ADH7: variants seen among roughly 807,000 people sequenced by gnomAD.
ADH7 encodes alcohol dehydrogenase 7 (class IV), mu or sigma polypeptide, also known as all-trans-retinol dehydrogenase [NAD(+)] ADH7.
In ADH7, 41 loss-of-function variants were observed where a neutral mutation model predicts 34.4. That is an observed-to-expected ratio of 1.19 (90% CI 0.93 to 1.55). The LOEUF (loss-of-function observed/expected upper bound fraction) is 1.55, where lower values mean the gene tolerates loss of function less well. Ranked by LOEUF, ADH7 falls within the 40% of genes most tolerant of loss-of-function variation. ADH7 has a pLI of 0.00. For missense variants in ADH7, 540 were observed against 461.2 expected, an observed-to-expected ratio of 1.17 and a Z score of -1.56; for synonymous variants, 180 against 160.9, an observed-to-expected ratio of 1.12 and a Z score of -0.90.
At chr4:99,434,929 C>T in intron 1 of ADH7, 1 of 1,097,906 alleles carries the variant, frequency 9.1e-7, no homozygotes, top group African/African-American at 1.6e-5. Context: ...AATTGCCCAG[C>T]TATCCGGAAA....
intron 8 of ADH7, among the ~76,000 whole-genome samples, chr4:99,413,476 T>C (rs959928136): frequency 4.6e-5 from 7 of 152,166 alleles, no homozygotes; most frequent in Non-Finnish European, 8.8e-5. Context: ...TAATCCAATA[T>C]GTTTAGATTT....
intron 5 of ADH7, among the ~76,000 whole-genome samples, chr4:99,422,992 G>C (rs1721703240): frequency 7.3e-6 from 1 of 137,546 alleles, no homozygotes; most frequent in African/African-American, 2.7e-5. Flanking sequence ...TTGTCATTTA[G>C]CATTAGGTAT....
chr4:99,428,308 T>C, intron 3 of ADH7, 134 bp from the exon 4 acceptor site: 4 of 1,220,886 alleles, frequency 3.3e-6, no homozygotes, highest in Non-Finnish European at 4.6e-6. Flanking sequence ...ACCGTAAGGT[T>C]TGCCTTCTAA....
intron 6 of ADH7, among the ~76,000 whole-genome samples, chr4:99,419,944 G>C (rs2110134496): frequency 6.6e-6 from 1 of 152,242 alleles, no homozygotes. Flanking sequence ...TGCCAGGTTG[G>C]AGCTTTCTAG....
chr4:99,424,929 A>G (rs1721764208), intron 5 of ADH7, among the ~76,000 whole-genome samples: 1 of 152,020 alleles, frequency 6.6e-6, no homozygotes, highest in African/African-American at 2.4e-5. Flanking sequence ...AGGAGTGGTG[A>G]GAGAGGGTAT....
At chr4:99,417,272 CA>C (rs1371878332) in intron 7 of ADH7, among the ~76,000 whole-genome samples, 3 of 152,092 alleles carry the variant, frequency 2.0e-5, no homozygotes, top group African/African-American at 7.2e-5. Context: ...CCAAAGGCCC[CA>C]TATAATTTAA....
intron 5 of ADH7, among the ~76,000 whole-genome samples, chr4:99,426,029 A>G (rs1721796553): frequency 1.3e-5 from 2 of 152,232 alleles, no homozygotes; most frequent in Non-Finnish European, 2.9e-5. Context: ...AATACACAGC[A>G]TTCGAGAATC....
intron 8 of ADH7, 66 bp from the exon 9 acceptor site, chr4:99,413,238 C>A: frequency 6.5e-7 from 1 of 1,541,636 alleles, no homozygotes; most frequent in South Asian, 1.1e-5. Context: ...ATAGTTTAAA[C>A]AATTGTCCTT....
chr4:99,418,033 G>C (rs989814803), intron 7 of ADH7, among the ~76,000 whole-genome samples: 1 of 151,914 alleles, frequency 6.6e-6, no homozygotes, highest in Non-Finnish European at 1.5e-5. Flanking sequence ...AGAGCTATAG[G>C]GGCAAAAAAC....
chr4:99,422,048 G>T (rs1413577341), intron 5 of ADH7, among the ~76,000 whole-genome samples: 1 of 152,196 alleles, frequency 6.6e-6, no homozygotes, highest in African/African-American at 2.4e-5. Flanking sequence ...TTTTTACACT[G>T]TTGGTGAGAA....
At chr4:99,428,782 A>C in intron 2 of ADH7, 152 bp from the exon 3 acceptor site, 1 of 1,007,002 alleles carries the variant, frequency 9.9e-7, no homozygotes, top group East Asian at 2.6e-5. Context: ...TGAGCCAAAA[A>C]TCAACCATCA....
Position 99,413,132 on chromosome 4 carries a change from C to T in ADH7, c.*16G>A. 6.2e-7 allele frequency: 1 copy of T among 1,613,622 alleles called. No individual in the cohort carries two copies. The highest frequency in any genetic ancestry group is 1.1e-5 in the South Asian group (1 of 91,044). The stretch of plus-strand genomic sequence containing the variant: ...CAGTTCACCATGACAACACAGACCT[C>T]CTGCCACTTTGGATCTCAAAACGTC... On this transcript the variant is annotated 3_prime_UTR_variant, in exon 9 of 9. Transcript: ENST00000437033.
intron 7 of ADH7, among the ~76,000 whole-genome samples, chr4:99,416,327 G>A (rs781669412): frequency 4.6e-5 from 7 of 151,946 alleles, no homozygotes; most frequent in Non-Finnish European, 1.0e-4. Context: ...AGCCCACTCT[G>A]ATTACGCTCT....
intron 5 of ADH7, among the ~76,000 whole-genome samples, chr4:99,423,556 T>C (rs34061749): frequency 0.24 from 36,625 of 151,664 alleles, 4,541 homozygotes; most frequent in Middle Eastern, 0.27. Flanking sequence ...CCTGACTTTT[T>C]AATGATTGCC....
At chr4:99,425,191 T>C (rs1721770787) in intron 5 of ADH7, among the ~76,000 whole-genome samples, 3 of 150,696 alleles carry the variant, frequency 2.0e-5, no homozygotes, top group African/African-American at 7.3e-5. Context: ...CATGACAGGA[T>C]CAAATTCACA....
Position 99,429,622 on chromosome 4 carries a change from G to T in ADH7, c.30C>A (p.Cys10Ter). The T allele has an allele frequency of 6.2e-7, 1 of 1,608,546 alleles. No homozygotes were observed. The highest frequency in any genetic ancestry group is 8.5e-7 in the Non-Finnish European group (1 of 1,176,958). The change falls in exon 2 of 9, where the codon TGC becomes TGA. Residue 10 changes from cysteine (C) to a stop codon, truncating the protein, a stop_gained. Coordinates refer to ENST00000437033, the MANE Select transcript of ADH7 (RefSeq NM_000673.7). LOFTEE classifies it high-confidence loss of function. MGTAGKVIKCKAAVLWEQKQ... is the reference protein window; with the variant it reads MGTAGKVIK ...TCTGCTCCCAAAGCACAGCTGCTTT[G>T]CATTTAATAACCTAAGAAATAGGCA...
At position 99,420,577 on chromosome 4, in the gene ADH7, T is replaced by G; in HGVS notation, c.781A>C (p.Asn261His). ...ATAACTTCAAAGGTGTATCCCACGT[T>G]GTTGCCTGTCATTTCTGACAGCACC... is the stretch of plus-strand genomic sequence containing the variant. ...SEVLSEMTGN[N>H]VGYTFEVIGH... The change falls in exon 6 of 9, where the codon AAC becomes CAC. Residue 261 changes from asparagine to histidine, a missense_variant. Physicochemically the swap from Asn to His is moderately conservative, Grantham distance 68. Transcript: ENST00000437033. 1.2e-6 allele frequency: 2 copies of G among 1,614,004 alleles called. No individual in the cohort carries two copies. The highest frequency in any genetic ancestry group is 1.3e-5 in the African/African-American group (1 of 75,056).
intron 5 of ADH7, 93 bp downstream of exon 5, chr4:99,427,679 TG>T (rs1334407336): frequency 8.0e-6 from 7 of 871,744 alleles, no homozygotes; most frequent in African/African-American, 1.8e-5. Flanking sequence ...TTCTTTTAAA[TG>T]TTTTTTTTTT....
intron 5 of ADH7, among the ~76,000 whole-genome samples, chr4:99,423,957 C>A (rs1721735582): frequency 6.6e-6 from 1 of 151,614 alleles, no homozygotes; most frequent in Non-Finnish European, 1.5e-5. Flanking sequence ...CTTGCCCATG[C>A]CTATGTCCTG....
Sources: allele counts gnomAD v4.1 joint callset (sites outside exome capture counted in the v4.1 genomes callset), GRCh38; gene constraint gnomAD v4.1.1; transcripts MANE v1.5; gene names NCBI Gene and HGNC (gene_info 2026-07-23, HGNC 2026-07-21).